The following MARCHF8 variants were observed in gnomAD, a reference collection of about 807,000 sequenced individuals.
MARCHF8 encodes E3 ubiquitin-protein ligase MARCHF8.
A neutral mutation model predicts 51.6 loss-of-function variants in MARCHF8; 40 were observed. That is an observed-to-expected ratio of 0.77 (90% CI 0.60 to 1.01). MARCHF8 has a LOEUF of 1.01. Ranked by LOEUF, MARCHF8 falls within the 50% of genes least tolerant of loss-of-function variation. The pLI is 0.00. For missense variants in MARCHF8, 685 were observed against 708.6 expected (o/e 0.97, Z 0.38); for synonymous variants, 263 against 280.3 (o/e 0.94, Z 0.62).
intron 1 of MARCHF8, among the ~76,000 whole-genome samples, chr10:45,590,675 T>C (rs892864943): frequency 2.6e-5 from 4 of 152,214 alleles, no homozygotes; most frequent in Non-Finnish European, 5.9e-5. Flanking sequence ...TTTAAAAATA[T>C]GCATAAGCAA....
intron 2 of MARCHF8, among the ~76,000 whole-genome samples, chr10:45,496,423 G>A (rs2043176430): frequency 6.6e-6 from 1 of 152,010 alleles, no homozygotes; most frequent in Admixed American, 6.6e-5. Context: ...AATATCAGAC[G>A]AAACAGAATT....
rs184785327 is a variant in MARCHF8, at chr10:45,488,741, C to T, written c.153+626G>A. ...AGCAGCTGACCCCTTCTTCCACCCGCCTTCTCACTATCTCTTTTGCCTAAT... is the reference window on the plus strand; with the variant it reads ...AGCAGCTGACCCCTTCTTCCACCCGTCTTCTCACTATCTCTTTTGCCTAAT... On this transcript the variant is annotated intron_variant, in intron 3 of 7. Transcript: ENST00000453424. 4.6e-5 allele frequency among the ~76,000 whole-genome samples: 7 copies of T among 152,316 alleles called. No individual in the cohort carries two copies. The East Asian group carries it at 7.7e-4, about 17-fold the overall frequency.
chr10:45,507,067 CT>C (rs1184499490), intron 2 of MARCHF8, among the ~76,000 whole-genome samples: 1 of 152,120 alleles, frequency 6.6e-6, no homozygotes, highest in Non-Finnish European at 1.5e-5. Flanking sequence ...TGCTAGTTTG[CT>C]AAAACAGTGG....
In MARCHF8 at chr10:45,572,528, C is replaced by T. The variant is rs192488794; in HGVS notation, c.-79+21707G>A. ...ATAACGGCTCTAAATGGCCAGAAAA[C>T]GGCATTTTCGATTTCTCCATCCTAT... On this transcript the variant is annotated intron_variant, in intron 1 of 6. Coordinates refer to the MARCHF8 transcript ENST00000319836. Among the ~76,000 whole-genome samples the T allele has an allele frequency of 7.3e-3, 1,111 of 152,248 alleles. 5 individuals carry two copies. The highest frequency in any genetic ancestry group is 0.015 in the African/African-American group (612 of 41,534).
rs778958845 is a variant in MARCHF8 at position 45,464,336 on chromosome 10, A to G, written c.154-9T>C. The G allele has an allele frequency of 1.2e-6, 2 of 1,613,686 alleles. No homozygotes were observed. Among genetic ancestry groups the G allele is most frequent in the Admixed American group, 1.7e-5 (1 of 60,024 alleles). ...GACGGAGGACTCCCAGCCTGCAATG[A>G]CAGACCTGTGGTCAGTGTTCAGGTA... is the stretch of plus-strand genomic sequence containing the variant. On this transcript the variant is annotated splice_polypyrimidine_tract_variant and intron_variant, in intron 3 of 7. Transcript: ENST00000453424.
chr10:45,542,130 G>C (rs2133309872), intron 1 of MARCHF8, among the ~76,000 whole-genome samples: 1 of 152,228 alleles, frequency 6.6e-6, no homozygotes, highest in South Asian at 2.1e-4. Context: ...CAGATCACGA[G>C]GTCAGGAAAT....
At chr10:45,585,632 G>A (rs1313376475) in intron 1 of MARCHF8, among the ~76,000 whole-genome samples, 1 of 152,064 alleles carries the variant, frequency 6.6e-6, no homozygotes, top group Non-Finnish European at 1.5e-5. Flanking sequence ...AACAGAATGG[G>A]ATCAGAGAAG....
intron 2 of MARCHF8, among the ~76,000 whole-genome samples, chr10:45,521,519 A>G (rs1332746595): frequency 6.6e-6 from 1 of 152,236 alleles, no homozygotes; most frequent in Non-Finnish European, 1.5e-5. Flanking sequence ...GGAGTCGTTA[A>G]AACTGCCCAT....
intron 1 of MARCHF8, 108 bp downstream of exon 1, chr10:45,535,103 C>T (rs1332093146): frequency 6.6e-6 from 1 of 152,220 alleles, no homozygotes; most frequent in Non-Finnish European, 1.5e-5. Flanking sequence ...ACCACCTACT[C>T]TATTTCAAGC....
intron 1 of MARCHF8, among the ~76,000 whole-genome samples, chr10:45,557,620 A>C (rs2044267041): frequency 6.6e-6 from 1 of 152,230 alleles, no homozygotes; most frequent in Non-Finnish European, 1.5e-5. Context: ...TGTGAACAGA[A>C]GACCATACGA....
Position 45,578,263 on chromosome 10 carries a change from A to T in MARCHF8, c.-79+15972T>A, listed in dbSNP as rs2133413267. ...GGGCCATACAAAATGAGCCCAGATC[A>T]TCTTGTTGCACCAGAAAGTAAATAG... On this transcript the variant is annotated intron_variant, in intron 1 of 6. Coordinates refer to the MARCHF8 transcript ENST00000319836. Among the ~76,000 whole-genome samples, 2 of 152,292 alleles carry T rather than the reference A, an allele frequency of 1.3e-5. 1 individual carries two copies. Among genetic ancestry groups the T allele is most frequent in the East Asian group, 3.9e-4 (2 of 5,184 alleles).
rs1842665668 is a variant in MARCHF8 at position 45,458,201 on chromosome 10, C to T, written c.*38G>A. 2 of 1,572,754 alleles carry T rather than the reference C, an allele frequency of 1.3e-6. No individual in the cohort carries two copies. On this transcript the variant is annotated 3_prime_UTR_variant, in exon 8 of 8. Transcript: ENST00000453424. ...TGGCAGTAAACAATTTCCTTCAGCT[C>T]TTCATGGATGTCCAGGAAAATGACA...
At chr10:45,579,239 T>A (rs1394009306) in intron 1 of MARCHF8, among the ~76,000 whole-genome samples, 1 of 152,028 alleles carries the variant, frequency 6.6e-6, no homozygotes, top group Non-Finnish European at 1.5e-5. Context: ...GTGATAAAGC[T>A]AATGAGGTAA....
At chr10:45,556,659 C>T (rs1014642934) in intron 1 of MARCHF8, among the ~76,000 whole-genome samples, 8 of 152,142 alleles carry the variant, frequency 5.3e-5, no homozygotes, top group East Asian at 1.9e-4. Flanking sequence ...ACGGCTTCTC[C>T]GGTTCTTTCC....
intron 1 of MARCHF8, among the ~76,000 whole-genome samples, chr10:45,574,139 C>A (rs1244439783): frequency 6.6e-6 from 1 of 152,046 alleles, no homozygotes; most frequent in Admixed American, 6.6e-5. Context: ...ACCGATCATG[C>A]ACCTCTTACC....
intron 2 of MARCHF8, among the ~76,000 whole-genome samples, chr10:45,502,881 C>G (rs2043306617): frequency 6.6e-6 from 1 of 152,102 alleles, no homozygotes; most frequent in South Asian, 2.1e-4. Flanking sequence ...CAGACAAAAA[C>G]AATTGACTAT....
At chr10:45,540,506 G>A (rs1589162900) in intron 1 of MARCHF8, among the ~76,000 whole-genome samples, 1 of 145,454 alleles carries the variant, frequency 6.9e-6, no homozygotes, top group South Asian at 2.1e-4. Context: ...ACATAGGCAT[G>A]GGCAAGGACT....
At chr10:45,589,401 T>TA (rs777083229) in intron 1 of MARCHF8, among the ~76,000 whole-genome samples, 4 of 152,112 alleles carry the variant, frequency 2.6e-5, no homozygotes, top group Admixed American at 6.5e-5. Flanking sequence ...GCATCTTTGT[T>TA]AAAAAAAATT....
chr10:45,464,636 C>T (rs1434484344), intron 3 of MARCHF8, among the ~76,000 whole-genome samples: 1 of 151,854 alleles, frequency 6.6e-6, no homozygotes, highest in Admixed American at 6.6e-5. Context: ...AGTCAAAAAA[C>T]GAAGTACTAG....
Sources: allele counts gnomAD v4.1 joint callset (sites outside exome capture counted in the v4.1 genomes callset), GRCh38; gene constraint gnomAD v4.1.1; transcripts MANE v1.5; gene names NCBI Gene and HGNC (gene_info 2026-07-23, HGNC 2026-07-21).